The following RTF1 variants were observed in gnomAD, a reference collection of about 807,000 sequenced individuals.
RTF1 encodes RTF1 homolog, Paf1/RNA polymerase II complex component, also known as RNA polymerase-associated protein RTF1 homolog.
In RTF1, 10 loss-of-function variants were observed where a neutral mutation model predicts 95.7. The ratio of observed to expected loss-of-function variants is 0.10; its 90% confidence interval spans 0.06 to 0.18. The LOEUF (loss-of-function observed/expected upper bound fraction) is 0.18, where lower values mean the gene tolerates loss of function less well. RTF1 is among the 10% of genes least tolerant of loss of function. The pLI, the probability that RTF1 is intolerant of heterozygous loss-of-function variation, is 1.00. For synonymous variants in RTF1, 305 were observed against 311.8 expected, an observed-to-expected ratio of 0.98 and a Z score of 0.23; for missense variants, 458 against 875.6, an observed-to-expected ratio of 0.52 and a Z score of 6.02.
chr15:41,477,701 G>A, intron 14 of RTF1, 186 bp downstream of exon 14: 1 of 614,948 alleles, frequency 1.6e-6, no homozygotes. Context: ...GCAGTCTTCT[G>A]CCCTGTCCTA....
intron 1 of RTF1, among the ~76,000 whole-genome samples, chr15:41,432,310 A>G (rs1432581901): frequency 6.9e-6 from 1 of 145,218 alleles, no homozygotes; most frequent in Admixed American, 7.1e-5. Flanking sequence ...CCATTCTCCC[A>G]CCTCAGCCTC....
intron 2 of RTF1, among the ~76,000 whole-genome samples, chr15:41,444,815 T>TG (rs1476148533): frequency 3.3e-5 from 5 of 152,170 alleles, no homozygotes; most frequent in African/African-American, 7.2e-5. Flanking sequence ...TTTTCTGTCG[T>TG]GGGGTCAGGA....
chr15:41,444,308 T>C (rs2050749852), intron 2 of RTF1, among the ~76,000 whole-genome samples: 2 of 151,534 alleles, frequency 1.3e-5, no homozygotes, highest in Admixed American at 1.3e-4. Flanking sequence ...ATTTTTTTTT[T>C]TTTGAGCCAG....
At chr15:41,431,005 C>T (rs1350793531) in intron 1 of RTF1, among the ~76,000 whole-genome samples, 1 of 151,620 alleles carries the variant, frequency 6.6e-6, no homozygotes, top group Non-Finnish European at 1.5e-5. Flanking sequence ...TAGGTTCAAG[C>T]GATTCTCCTT....
intron 2 of RTF1, among the ~76,000 whole-genome samples, chr15:41,445,435 T>C (rs987111140): frequency 6.6e-6 from 1 of 152,210 alleles, no homozygotes. Flanking sequence ...ATTAATTATA[T>C]TGTTCATTTT....
At chr15:41,436,993 A>C (rs1301031598) in intron 1 of RTF1, among the ~76,000 whole-genome samples, 2 of 151,790 alleles carry the variant, frequency 1.3e-5, no homozygotes, top group Non-Finnish European at 1.5e-5. Flanking sequence ...AGGTTGACTC[A>C]GGAGAATCGC....
At chr15:41,474,037 A>C (rs2050929522) in intron 8 of RTF1, among the ~76,000 whole-genome samples, 1 of 151,774 alleles carries the variant, frequency 6.6e-6, no homozygotes, top group South Asian at 2.1e-4. Flanking sequence ...ACTTTGTCTC[A>C]AAAACAAAAA....
At chr15:41,474,813 C>A in intron 9 of RTF1, 111 bp downstream of exon 9, 2 of 794,576 alleles carry the variant, frequency 2.5e-6, no homozygotes, top group Non-Finnish European at 4.5e-6. Flanking sequence ...GCTATGTATG[C>A]AATCCCCACA....
chr15:41,424,377 G>A (rs2050618137), intron 1 of RTF1, among the ~76,000 whole-genome samples: 1 of 152,136 alleles, frequency 6.6e-6, no homozygotes, highest in Non-Finnish European at 1.5e-5. Flanking sequence ...GTTCATGGTT[G>A]AGGCACCAGC....
intron 4 of RTF1, among the ~76,000 whole-genome samples, chr15:41,461,725 G>A (rs1266335176): frequency 2.7e-5 from 4 of 148,972 alleles, no homozygotes; most frequent in African/African-American, 2.5e-5. Flanking sequence ...TCTTGACCTC[G>A]TGTTCTGCCT....
intron 1 of RTF1, among the ~76,000 whole-genome samples, chr15:41,418,898 A>G (rs980059345): frequency 6.6e-6 from 1 of 151,792 alleles, no homozygotes; most frequent in Non-Finnish European, 1.5e-5. Context: ...ACTGTCGCCC[A>G]GGCTGGAGTG....
chr15:41,458,504 T>C (rs1310118339), intron 4 of RTF1, among the ~76,000 whole-genome samples: 1 of 152,246 alleles, frequency 6.6e-6, no homozygotes, highest in Admixed American at 6.6e-5. Context: ...TTACATACTT[T>C]GGGAGGCCGA....
intron 1 of RTF1, among the ~76,000 whole-genome samples, chr15:41,426,914 T>G (rs911109446): frequency 1.0e-4 from 15 of 150,050 alleles, no homozygotes; most frequent in Non-Finnish European, 2.1e-4. Context: ...TGATCTCGGC[T>G]CACTGCAACC....
rs2050984396 is a variant in RTF1 at position 41,482,777 on chromosome 15, C to G, written c.*2090C>G. 6.6e-6 allele frequency: 1 copy of G among 152,510 alleles called. No homozygotes were observed. Among genetic ancestry groups the G allele is most frequent in the Non-Finnish European group, 1.5e-5 (1 of 68,016 alleles). The allele number at this position is 152,510 out of a possible 1,614,324, so 9.4% of individuals were successfully genotyped here. ...ACATTGCCTGGACTTCAGCAGAGTC[C>G]TGGAGCTGCTGGGACCTCTCCTATC... On this transcript the variant is annotated 3_prime_UTR_variant, in exon 18 of 18. Coordinates refer to ENST00000389629, the MANE Select transcript of RTF1 (RefSeq NM_015138.5).
At position 41,472,993 on chromosome 15, in the gene RTF1, A is replaced by G. The variant is rs565928424; in HGVS notation, c.1204-1627A>G. Among the ~76,000 whole-genome samples, 14 of 150,376 alleles carry G rather than the reference A, an allele frequency of 9.3e-5. No homozygotes were observed. In the South Asian group the frequency reaches 3.0e-3, roughly 32 times the overall value. ...TGGGATTACAGGCGTGAGCCACCGC[A>G]CCCGGCCTCACTTTGGGATTTAAAA... On this transcript the variant is annotated intron_variant, in intron 8 of 17. Coordinates refer to ENST00000389629, the MANE Select transcript of RTF1 (RefSeq NM_015138.5).
chr15:41,455,542 C>T (rs1011516398), intron 3 of RTF1, among the ~76,000 whole-genome samples: 1 of 152,018 alleles, frequency 6.6e-6, no homozygotes, highest in Non-Finnish European at 1.5e-5. Context: ...TAGTGGCTCA[C>T]GCCTGTAGTC....
At chr15:41,451,909 A>T (rs754577648) in intron 2 of RTF1, among the ~76,000 whole-genome samples, 3 of 152,154 alleles carry the variant, frequency 2.0e-5, no homozygotes, top group Non-Finnish European at 4.4e-5. Flanking sequence ...GCAATAAAAC[A>T]TACATGAGCT....
At position 41,453,068 on chromosome 15, in the gene RTF1, C is replaced by G. The variant is rs1265632584; in HGVS notation, c.457+20C>G. Reference sequence around the variant, plus strand: ...AGGAAGGTGAGCTGAGCAGCCTAGACCTGGAAGGTCAACTCCCACTCTTGT... The same window carrying G: ...AGGAAGGTGAGCTGAGCAGCCTAGAGCTGGAAGGTCAACTCCCACTCTTGT... On this transcript the variant is annotated intron_variant, in intron 3 of 17. Coordinates refer to ENST00000389629, the MANE Select transcript of RTF1 (RefSeq NM_015138.5). 1.3e-6 allele frequency: 2 copies of G among 1,540,620 alleles called. No homozygotes were observed. The highest frequency in any genetic ancestry group is 2.8e-5 in the African/African-American group (2 of 71,258).
chr15:41,473,248 C>T (rs1271020853), intron 8 of RTF1, among the ~76,000 whole-genome samples: 1 of 151,998 alleles, frequency 6.6e-6, no homozygotes, highest in East Asian at 1.9e-4. Flanking sequence ...ATTCTCCTGC[C>T]TCAGCCTCCC....
Sources: allele counts gnomAD v4.1 joint callset (sites outside exome capture counted in the v4.1 genomes callset), GRCh38; gene constraint gnomAD v4.1.1; transcripts MANE v1.5; gene names NCBI Gene and HGNC (gene_info 2026-07-23, HGNC 2026-07-21).